Variants in RELN observed in about 807,000 individuals in gnomAD.
The protein encoded by RELN is reelin.
RELN carries 108 observed loss-of-function variants against 427.6 expected under a neutral mutation model. That is an observed-to-expected ratio of 0.25 (90% CI 0.22 to 0.30). The LOEUF (loss-of-function observed/expected upper bound fraction) is 0.30. Among genes scored for constraint, RELN ranks in the 10% least tolerant of loss-of-function variants. RELN has a pLI of 1.00. For synonymous variants in RELN, 1,524 were observed against 1,513.4 expected (o/e 1.01, Z -0.16); for missense variants, 3,715 against 4,302.8 (o/e 0.86, Z 3.82).
chr7:103,514,705 C>T (rs903318419), intron 50 of RELN, among the ~76,000 whole-genome samples: 1 of 152,046 alleles, frequency 6.6e-6, no homozygotes. Context: ...TCACCAATAT[C>T]ATTGAATACC....
chr7:103,864,829 T>TA (rs1018969780), intron 2 of RELN, among the ~76,000 whole-genome samples: 2 of 151,274 alleles, frequency 1.3e-5, no homozygotes, highest in African/African-American at 2.4e-5. Flanking sequence ...AAGAGAAGGT[T>TA]AAAAAAAATT....
intron 7 of RELN, among the ~76,000 whole-genome samples, chr7:103,724,070 T>C (rs1790142512): frequency 6.6e-6 from 1 of 152,178 alleles, no homozygotes; most frequent in Non-Finnish European, 1.5e-5. Context: ...TCTGAAATTC[T>C]GTACACTACA....
chr7:103,574,166 A>T lies in RELN; in HGVS notation c.4437T>A (p.Asp1479Glu), dbSNP rs200920818. 63 of 1,614,182 alleles carry T rather than the reference A, an allele frequency of 3.9e-5. 1 individual carries two copies. Among genetic ancestry groups the T allele is most frequent in the Non-Finnish European group, 5.1e-5 (60 of 1,180,018 alleles). Reference sequence around the variant, plus strand: ...GGCCATTGAAGTAGAGAGATTTGCCATCGTTAAGTGTTCCACAGCCAGTTC... The same window carrying T: ...GGCCATTGAAGTAGAGAGATTTGCCTTCGTTAAGTGTTCCACAGCCAGTTC... ...QVGTGCGTLN[D>E]GKSLYFNGPG... Residue 1479 changes from aspartate to glutamate, a missense_variant, in exon 30 of 65, where the codon GAT becomes GAA. This residue lies in a region of RELN where 2,208 missense variants were observed against 2,361.7 expected (regional missense o/e 0.93). Coordinates refer to ENST00000428762, the MANE Select transcript of RELN (RefSeq NM_005045.4).
chr7:103,874,957 A>G (rs1194736780), intron 2 of RELN, among the ~76,000 whole-genome samples: 3 of 146,526 alleles, frequency 2.0e-5, no homozygotes, highest in Non-Finnish European at 3.0e-5. Context: ...ACTTCAAACT[A>G]TACTACAAGG....
intron 11 of RELN, among the ~76,000 whole-genome samples, chr7:103,668,849 G>T (rs1481206332): frequency 6.6e-6 from 1 of 152,114 alleles, no homozygotes; most frequent in Non-Finnish European, 1.5e-5. Flanking sequence ...GCAAGTTAAG[G>T]TTATAAATGA....
At chr7:103,510,101 A>G (rs1288564155) in intron 51 of RELN, among the ~76,000 whole-genome samples, 1 of 152,224 alleles carries the variant, frequency 6.6e-6, no homozygotes, top group Admixed American at 6.5e-5. Flanking sequence ...AGGATCTAGA[A>G]CTAGAAATAC....
intron 20 of RELN, among the ~76,000 whole-genome samples, chr7:103,624,590 C>A (rs1832288069): frequency 6.6e-6 from 1 of 152,256 alleles, no homozygotes; most frequent in Middle Eastern, 3.4e-3. Flanking sequence ...CCAGGCCCTG[C>A]TAACTTTTTG....
chr7:103,753,706 G>A (rs1408987849), intron 4 of RELN, among the ~76,000 whole-genome samples: 1 of 152,168 alleles, frequency 6.6e-6, no homozygotes, highest in Non-Finnish European at 1.5e-5. Context: ...TTTTACACAT[G>A]AATTTCCTAA....
At chr7:103,650,413 C>T (rs370731003) in intron 15 of RELN, 30 bp from the exon 16 acceptor site, 6 of 1,254,716 alleles carry the variant, frequency 4.8e-6, no homozygotes, top group African/African-American at 1.5e-5. Flanking sequence ...AAACCATCTT[C>T]ACAACTATGT....
chr7:103,895,105 A>G (rs1042052101), intron 2 of RELN, among the ~76,000 whole-genome samples: 2 of 152,166 alleles, frequency 1.3e-5, no homozygotes, highest in Admixed American at 6.5e-5. Context: ...CGACTATTAC[A>G]TGGATATTTT....
chr7:103,826,635 T>C (rs1255816268), intron 3 of RELN, among the ~76,000 whole-genome samples: 1 of 151,968 alleles, frequency 6.6e-6, no homozygotes. Context: ...TGTAGGCAGT[T>C]TGGAAAAACG....
At chr7:103,950,985 G>A (rs1487169577) in intron 1 of RELN, among the ~76,000 whole-genome samples, 2 of 152,208 alleles carry the variant, frequency 1.3e-5, no homozygotes, top group Admixed American at 1.3e-4. Flanking sequence ...CTGGAGTGCA[G>A]TGGCATGATT....
chr7:103,557,879 T>A, intron 37 of RELN, 86 bp downstream of exon 37: 2 of 725,582 alleles, frequency 2.8e-6, no homozygotes, highest in Admixed American at 2.0e-5. Context: ...ACAAAACTTA[T>A]GGGCCTTAAA....
Position 103,877,254 on chromosome 7 carries a change from C to A in RELN, c.337+39821G>T, listed in dbSNP as rs373095206. On this transcript the variant is annotated intron_variant, in intron 2 of 64. Transcript: ENST00000428762. The stretch of plus-strand genomic sequence containing the variant: ...AAACAGTTCATTTCCAAGTTTATAT[C>A]TCAGGCCACAAACCTCCCCTGAGCT... 2.6e-5 allele frequency among the ~76,000 whole-genome samples: 4 copies of A among 152,078 alleles called. No homozygotes were observed. The South Asian group carries it at 8.3e-4, about 32-fold the overall frequency.
At chr7:103,638,339 A>T (rs924512208) in intron 17 of RELN, among the ~76,000 whole-genome samples, 1 of 152,212 alleles carries the variant, frequency 6.6e-6, no homozygotes, top group Admixed American at 6.5e-5. Flanking sequence ...GGTTGGGCTT[A>T]TCAGGTTAGT....
intron 49 of RELN, among the ~76,000 whole-genome samples, chr7:103,516,015 T>G (rs999091723): frequency 6.6e-6 from 1 of 152,162 alleles, no homozygotes; most frequent in Non-Finnish European, 1.5e-5. Flanking sequence ...ATTGTATATA[T>G]TCATAGAAAA....
Position 103,553,841 on chromosome 7 carries a change from T to C in RELN, c.5798-10A>G. 10 of 1,613,196 alleles carry C rather than the reference T, an allele frequency of 6.2e-6. No homozygotes were observed. Among genetic ancestry groups the C allele is most frequent in the Non-Finnish European group, 8.5e-6 (10 of 1,179,254 alleles). Reference sequence around the variant, plus strand: ...ATTTCTTCTTTCTTACCTAAGGCATTTTTGGATAAAGCAAGTTTTTCCAGT... The same window carrying C: ...ATTTCTTCTTTCTTACCTAAGGCATCTTTGGATAAAGCAAGTTTTTCCAGT... On this transcript the variant is annotated splice_polypyrimidine_tract_variant and intron_variant, in intron 38 of 64. Coordinates refer to ENST00000428762, the MANE Select transcript of RELN (RefSeq NM_005045.4).
chr7:103,636,179 C>T (rs964459946), intron 18 of RELN, 56 bp downstream of exon 18: 1 of 1,155,520 alleles, frequency 8.7e-7, no homozygotes, highest in East Asian at 2.5e-5. Context: ...GACAGTATAA[C>T]TAAATTCAAC....
intron 1 of RELN, among the ~76,000 whole-genome samples, chr7:103,959,613 C>CTT (rs912612930): frequency 3.3e-5 from 4 of 121,356 alleles, no homozygotes; most frequent in Non-Finnish European, 7.7e-5. Flanking sequence ...CTCTCTCTCT[C>CTT]TTTTTTTCTT....
Sources: allele counts gnomAD v4.1 joint callset (sites outside exome capture counted in the v4.1 genomes callset), GRCh38; gene constraint gnomAD v4.1.1; regional missense constraint gnomAD v4.1.1; transcripts MANE v1.5; gene names NCBI Gene and HGNC (gene_info 2026-07-23, HGNC 2026-07-21).